The following ERCC8 variants were observed in gnomAD, a reference collection of about 807,000 sequenced individuals.
ERCC8 encodes the protein DNA excision repair protein ERCC-8.
ERCC8 carries 52 observed loss-of-function variants against 54.9 expected under a neutral mutation model. The ratio of observed to expected loss-of-function variants is 0.95; its 90% CI spans 0.76 to 1.19. The LOEUF is 1.19. ERCC8 is among the 50% of genes most tolerant of loss of function. The probability of loss-of-function intolerance (pLI) is 0.00; values close to 1 mark genes in which losing one functional copy is unlikely to be tolerated. For missense variants in ERCC8, 514 were observed against 466.1 expected (o/e 1.10, Z -0.95); for synonymous variants, 146 against 157.2 (o/e 0.93, Z 0.53).
chr5:60,879,469 T>G (rs1748131859), intron 11 of ERCC8, among the ~76,000 whole-genome samples: 1 of 152,166 alleles, frequency 6.6e-6, no homozygotes, highest in Non-Finnish European at 1.5e-5. Context: ...GACAGTGGGG[T>G]GTTAAAGTCT....
intron 3 of ERCC8, 37 bp from the exon 4 acceptor site, chr5:60,918,425 T>A: frequency 6.3e-7 from 1 of 1,587,796 alleles, no homozygotes; most frequent in Non-Finnish European, 8.6e-7. Flanking sequence ...TTAACTGACT[T>A]ATGTGAGTTT....
chr5:60,881,893 G>C (rs1413717293), intron 11 of ERCC8, among the ~76,000 whole-genome samples: 1 of 152,206 alleles, frequency 6.6e-6, no homozygotes, highest in Non-Finnish European at 1.5e-5. Flanking sequence ...ACACTCCCCA[G>C]TGAGATGAAC....
Position 60,890,980 on chromosome 5 carries a change from G to A in ERCC8, c.950C>T (p.Ala317Val), listed in dbSNP as rs925487680. The change falls in exon 10 of 12, where the codon GCT becomes GTT. Residue 317 changes from alanine to valine, a missense_variant. By Grantham distance (64) the Ala-to-Val change is moderately conservative. Transcript: ENST00000676185. ...TTCTCCTGAGTAAACTGTATAAACA[G>A]CAATGGTGCTACCATATGGTACAAA... ...FVFVPYGSTIAVYTVYSGEQI... is the reference protein window; with the variant it reads ...FVFVPYGSTIVVYTVYSGEQI... 6.2e-7 allele frequency: 1 copy of A among 1,612,540 alleles called. No homozygotes were observed. The highest frequency in any genetic ancestry group is 1.7e-5 in the Admixed American group (1 of 60,016).
Position 60,916,079 on chromosome 5 carries a change from A to C in ERCC8, c.399+2186T>G, listed in dbSNP as rs569245858. Among the ~76,000 whole-genome samples, 4 of 152,096 alleles carry C rather than the reference A, an allele frequency of 2.6e-5. No individual in the cohort carries two copies. The East Asian group carries it at 7.7e-4, about 29-fold the overall frequency. On this transcript the variant is annotated intron_variant, in intron 4 of 11. Coordinates refer to ENST00000676185, the MANE Select transcript of ERCC8 (RefSeq NM_000082.4). ...TGACTGGGGAAAATTGCTGTTCTTC[A>C]AATGTCTTCTGCTTCATTTCTTAAG...
In ERCC8 at chr5:60,869,257, CTTAT is replaced by C. The variant is rs1468674076; in HGVS notation, c.*5354_*5357del. ...ATTTCTGAATGAAAACTGTGTAGCC[CTTAT>C]TTAAGTACCTAATTTGAGGTTTTCC... is the stretch of plus-strand genomic sequence containing the variant. On this transcript the variant is annotated 3_prime_UTR_variant, in exon 12 of 12. Transcript: ENST00000676185. 6.6e-6 allele frequency among the ~76,000 whole-genome samples: 1 copy of C among 152,088 alleles called. No individual in the cohort carries two copies. The highest frequency in any genetic ancestry group is 2.4e-5 in the African/African-American group (1 of 41,414).
Position 60,880,958 on chromosome 5 carries a change from A to T in ERCC8, c.1123-6275T>A, listed in dbSNP as rs145485047. On this transcript the variant is annotated intron_variant, in intron 11 of 11. Coordinates refer to ENST00000676185, the MANE Select transcript of ERCC8 (RefSeq NM_000082.4). ...AGGTGCTCTGACTTTTAGAGTTTCCAGTTTTTCTGCTCTGTTTTTTCCCCA... is the reference window on the plus strand; with the variant it reads ...AGGTGCTCTGACTTTTAGAGTTTCCTGTTTTTCTGCTCTGTTTTTTCCCCA... 5.2e-4 allele frequency among the ~76,000 whole-genome samples: 79 copies of T among 152,098 alleles called. No homozygotes were observed. In the East Asian group the frequency reaches 0.013, roughly 25 times the overall value.
In ERCC8 at chr5:60,902,382, G is replaced by C. The variant is rs886197550; in HGVS notation, c.617+60C>G. 5 of 1,233,966 alleles carry C rather than the reference G, an allele frequency of 4.1e-6. No individual in the cohort carries two copies. In the African/African-American group the frequency reaches 5.9e-5, roughly 15 times the overall value. 76.4% of individuals were successfully genotyped at this position (1,233,966 alleles called of 1,614,324 possible). A position where few individuals can be genotyped will look rare whatever the true frequency, so the allele number is the denominator to read the frequency against. On this transcript the variant is annotated intron_variant, in intron 7 of 11. Coordinates refer to ENST00000676185, the MANE Select transcript of ERCC8 (RefSeq NM_000082.4). ...AAAATATATACATTACATAAATGTA[G>C]ACTTTTCAAAATGCTTATTATTAAT...
intron 9 of ERCC8, among the ~76,000 whole-genome samples, chr5:60,894,156 T>C (rs1374180195): frequency 6.6e-6 from 1 of 152,014 alleles, no homozygotes; most frequent in African/African-American, 2.4e-5. Context: ...GGCTAATTTT[T>C]TGTATTTTTA....
intron 4 of ERCC8, among the ~76,000 whole-genome samples, chr5:60,911,304 T>C (rs60858663): frequency 0.39 from 58,804 of 151,874 alleles, 12,380 homozygotes; most frequent in East Asian, 0.8. Flanking sequence ...TGGTGTGAGA[T>C]GGTATCACAC....
intron 7 of ERCC8, chr5:60,900,564 G>T (rs575593664): frequency 6.6e-6 from 1 of 151,946 alleles, no homozygotes; most frequent in African/African-American, 2.4e-5. Flanking sequence ...TACACACAAG[G>T]TTTACTGGTT....
At chr5:60,930,205 G>A (rs548281099) in intron 1 of ERCC8, among the ~76,000 whole-genome samples, 6 of 152,202 alleles carry the variant, frequency 3.9e-5, no homozygotes, top group African/African-American at 1.2e-4. Context: ...TGAGGTGGGC[G>A]GATCACCTAA....
intron 11 of ERCC8, among the ~76,000 whole-genome samples, chr5:60,878,923 T>A (rs1314234722): frequency 6.6e-6 from 1 of 152,198 alleles, no homozygotes; most frequent in African/African-American, 2.4e-5. Context: ...TTTGAATGTG[T>A]TTGCTCTTGC....
At chr5:60,897,415 G>C (rs1432859616) in intron 9 of ERCC8, among the ~76,000 whole-genome samples, 1 of 152,038 alleles carries the variant, frequency 6.6e-6, no homozygotes. Context: ...TCCATGTTTT[G>C]CCAACTGCTG....
In ERCC8 at chr5:60,927,286, G is replaced by C. The variant is rs4647070; in HGVS notation, c.173+1578C>G. On this transcript the variant is annotated intron_variant, in intron 2 of 11. Transcript: ENST00000676185. The stretch of plus-strand genomic sequence containing the variant: ...TCATGGTGGATGGTAAATATTAACA[G>C]GTGTTTTGAACAAGTTATATACACA... Among the ~76,000 whole-genome samples the C allele has an allele frequency of 1.8e-3, 270 of 152,200 alleles. 3 individuals are homozygous for C. Among genetic ancestry groups the C allele is most frequent in the African/African-American group, 6.3e-3 (263 of 41,528 alleles).
intron 10 of ERCC8, among the ~76,000 whole-genome samples, chr5:60,888,354 CA>C (rs1309868268): frequency 1.3e-5 from 2 of 152,076 alleles, no homozygotes; most frequent in Non-Finnish European, 2.9e-5. Flanking sequence ...GACTGTATTA[CA>C]AAATCTAGAC....
In ERCC8 at chr5:60,943,780, G is replaced by T. The variant is rs188072519; in HGVS notation, c.77+1152C>A. Among the ~76,000 whole-genome samples the T allele has an allele frequency of 2.7e-3, 405 of 152,320 alleles. 1 individual carries two copies. The highest frequency in any genetic ancestry group is 4.6e-3 in the Non-Finnish European group (312 of 68,036). ...CCATTTGAGACATTCTAGATATGCAGACTGAGGAAATCAGTGAAGGTGAAC... is the reference window on the plus strand; with the variant it reads ...CCATTTGAGACATTCTAGATATGCATACTGAGGAAATCAGTGAAGGTGAAC... On this transcript the variant is annotated intron_variant, in intron 1 of 11. Transcript: ENST00000676185.
At chr5:60,939,464 C>T (rs572631878) in intron 1 of ERCC8, among the ~76,000 whole-genome samples, 9 of 147,794 alleles carry the variant, frequency 6.1e-5, no homozygotes, top group South Asian at 2.1e-4. Flanking sequence ...TTGGATTCCC[C>T]GGTTGCAATA....
intron 3 of ERCC8, 149 bp from the exon 4 acceptor site, chr5:60,918,537 A>C (rs1749508602): frequency 3.0e-6 from 2 of 673,714 alleles, no homozygotes; most frequent in African/African-American, 3.6e-5. Context: ...GTAGAAGGCG[A>C]GAAAGAATGT....
At chr5:60,892,774 T>G in intron 9 of ERCC8, 1 of 691,088 alleles carries the variant, frequency 1.4e-6, no homozygotes, top group African/African-American at 1.8e-5. Flanking sequence ...AGCAGCCGGA[T>G]GAACTTGTCC....
Sources: allele counts gnomAD v4.1 joint callset (sites outside exome capture counted in the v4.1 genomes callset), GRCh38; gene constraint gnomAD v4.1.1; transcripts MANE v1.5; gene names NCBI Gene and HGNC (gene_info 2026-07-23, HGNC 2026-07-21).